The following TPM3 variants were observed in gnomAD, a reference collection of about 807,000 sequenced individuals.
The protein encoded by TPM3 is tropomyosin alpha-3 chain.
In TPM3, 16 loss-of-function variants were observed where a neutral mutation model predicts 43.1. The observed-to-expected ratio is 0.37, with a 90% CI of 0.25 to 0.56. The LOEUF is 0.56. Ranked by LOEUF, TPM3 falls within the 20% of genes least tolerant of loss-of-function variation. The pLI is 0.77. For synonymous variants in TPM3, 101 were observed against 116.9 expected, an observed-to-expected ratio of 0.86 and a Z score of 0.88; for missense variants, 176 against 337.2, an observed-to-expected ratio of 0.52 and a Z score of 3.74.
rs1660832914 is a variant in TPM3, at chr1:154,165,414, A to G, written c.*2523T>C. On this transcript the variant is annotated 3_prime_UTR_variant, in exon 10 of 10. Transcript: ENST00000651641. ...AAGAGAAAAATAAATAAATAATGGAATGCTCAATATTCACTATCCCACAAC... is the reference window on the plus strand; with the variant it reads ...AAGAGAAAAATAAATAAATAATGGAGTGCTCAATATTCACTATCCCACAAC... Among the ~76,000 whole-genome samples the G allele has an allele frequency of 6.6e-6, 1 of 152,024 alleles. No individual in the cohort carries two copies. The highest frequency in any genetic ancestry group is 1.5e-5 in the Non-Finnish European group (1 of 68,002).
chr1:154,167,455 G>A lies in TPM3; in HGVS notation c.*482C>T, dbSNP rs886045313. On this transcript the variant is annotated 3_prime_UTR_variant, in exon 10 of 10. Transcript: ENST00000651641. ...TACCTGAAGAGAGAATGGAAACACT[G>A]CAGGCAGGATGATTTAAGAACCTGG... is the stretch of plus-strand genomic sequence containing the variant. 5.9e-5 allele frequency: 64 copies of A among 1,077,546 alleles called. No homozygotes were observed. The highest frequency in any genetic ancestry group is 3.5e-5 in the Non-Finnish European group (31 of 885,612). 66.7% of individuals were successfully genotyped at this position (1,077,546 alleles called of 1,614,324 possible). A position where few individuals can be genotyped will look rare whatever the true frequency, so the allele number is the denominator to read the frequency against.
Position 154,191,179 on chromosome 1 carries a change from T to G in TPM3, c.243+7A>C. 6.2e-7 allele frequency: 1 copy of G among 1,613,350 alleles called. No individual in the cohort carries two copies. Among genetic ancestry groups the G allele is most frequent in the Admixed American group, 1.7e-5 (1 of 59,944 alleles). The stretch of plus-strand genomic sequence containing the variant: ...TTAAACCCATCCTCCATCTCTCTAA[T>G]ACTCACATCAGCAGCCTTCTTCTCT... On this transcript the variant is annotated splice_region_variant and intron_variant, in intron 2 of 9. Transcript: ENST00000651641.
intron 2 of TPM3, among the ~76,000 whole-genome samples, chr1:154,189,872 C>T (rs1190538673): frequency 2.0e-5 from 3 of 151,508 alleles, no homozygotes; most frequent in Non-Finnish European, 2.9e-5. Context: ...TATGAGGATC[C>T]GAAAGCATTT....
chr1:154,174,407 T>TATATACACACAC (rs1261318136), intron 3 of TPM3, among the ~76,000 whole-genome samples: 823 of 72,484 alleles, frequency 0.011, 9 homozygotes, highest in South Asian at 0.018. Flanking sequence ...TATATATATA[T>TATATACACACAC]ACACACAAAA....
Position 154,171,435 on chromosome 1 carries a change from G to A in TPM3, c.620C>T (p.Ser207Phe). 1.2e-6 allele frequency: 2 copies of A among 1,614,164 alleles called. No individual in the cohort carries two copies. Among genetic ancestry groups the A allele is most frequent in the Non-Finnish European group, 1.7e-6 (2 of 1,180,012 alleles). ...TACCTTCTCCGCCTGAGCCTCAAGA[G>A]ACTTGAGGTTGTTGGTGACATTCTT... The part of the protein sequence containing the change: ...ELKNVTNNLK[S>F]LEAQAEKYSQ... Residue 207 changes from serine (S) to phenylalanine (F), a missense_variant, in exon 6 of 10, where the codon TCT (serine) becomes TTT (phenylalanine). Physicochemically the swap from Ser to Phe is radical, Grantham distance 155 (BLOSUM62 -2). Transcript: ENST00000651641.
Position 154,188,026 on chromosome 1 carries a change from TG to T in TPM3, c.243+3159del, listed in dbSNP as rs545074825. ...GGTTGTTTGTTTGTTTGTTTTGTTTTGTTTTTTTGAGTTTTCTGAGAAGGGA... is the reference window on the plus strand; with the variant it reads ...GGTTGTTTGTTTGTTTGTTTTGTTTTTTTTTTTGAGTTTTCTGAGAAGGGA... On this transcript the variant is annotated intron_variant, in intron 2 of 9. Coordinates refer to ENST00000651641, the MANE Select transcript of TPM3 (RefSeq NM_152263.4). 5.9e-5 allele frequency among the ~76,000 whole-genome samples: 9 copies of T among 151,606 alleles called. No individual in the cohort carries two copies. The South Asian group carries it at 1.5e-3, about 24-fold the overall frequency.
At chr1:154,171,525 G>A (rs1661574307) in intron 5 of TPM3, 37 bp from the exon 6 acceptor site, 3 of 1,606,046 alleles carry the variant, frequency 1.9e-6, no homozygotes, top group African/African-American at 2.7e-5. Flanking sequence ...GAGGAAAAGG[G>A]AAAAGGAAGA....
In TPM3 at chr1:154,170,161, G is replaced by A. The variant is rs183221639; in HGVS notation, c.775+239C>T. On this transcript the variant is annotated intron_variant, in intron 8 of 9. Coordinates refer to ENST00000651641, the MANE Select transcript of TPM3 (RefSeq NM_152263.4). ...CAGCCATTATCATTCTCCTCAAAAG[G>A]GAAGGGTACAAATTGCAGACTATTT... 3.3e-3 allele frequency: 1,737 copies of A among 527,302 alleles called. 6 individuals are homozygous for A. The highest frequency in any genetic ancestry group is 4.9e-3 in the Non-Finnish European group (1,421 of 292,042). 32.7% of individuals were successfully genotyped at this position (527,302 alleles called of 1,614,324 possible).
At chr1:154,186,515 G>A (rs1338565450) in intron 2 of TPM3, among the ~76,000 whole-genome samples, 2 of 151,464 alleles carry the variant, frequency 1.3e-5, no homozygotes, top group South Asian at 2.1e-4. Context: ...ATCAACAGGT[G>A]TATATGTCCA....
chr1:154,182,929 T>A, intron 2 of TPM3: 1 of 1,607,154 alleles, frequency 6.2e-7, no homozygotes, highest in Non-Finnish European at 8.5e-7. Flanking sequence ...GGGACCTTAT[T>A]CCGCTTGCCG....
chr1:154,179,755 T>C (rs1052323357), intron 2 of TPM3, among the ~76,000 whole-genome samples: 2 of 152,180 alleles, frequency 1.3e-5, no homozygotes, highest in Admixed American at 6.5e-5. Flanking sequence ...AGCTAATTTT[T>C]TGTATTTTTA....
intron 3 of TPM3, among the ~76,000 whole-genome samples, chr1:154,174,827 G>A (rs1662114088): frequency 1.3e-5 from 2 of 151,586 alleles, no homozygotes; most frequent in Non-Finnish European, 1.5e-5. Context: ...TACTCTAATA[G>A]TATACACATA....
At chr1:154,185,100 G>A (rs1281955626) in intron 2 of TPM3, among the ~76,000 whole-genome samples, 5 of 152,204 alleles carry the variant, frequency 3.3e-5, no homozygotes, top group African/African-American at 1.2e-4. Context: ...GGCCAGATGT[G>A]GTGGCTCATG....
intron 2 of TPM3, among the ~76,000 whole-genome samples, chr1:154,182,210 C>G (rs1388493353): frequency 6.6e-6 from 1 of 152,186 alleles, no homozygotes; most frequent in Non-Finnish European, 1.5e-5. Flanking sequence ...TCCTGCCTTC[C>G]AGGTCATTGT....
At chr1:154,159,225 G>A (rs1467516479), downstream of TPM3, among the ~76,000 whole-genome samples, 1 of 152,162 alleles carries the variant, frequency 6.6e-6, no homozygotes, top group Non-Finnish European at 1.5e-5. Context: ...TCAGATAGAG[G>A]GCAATAAGAG....
chr1:154,170,772 C>T (rs1661485730), intron 6 of TPM3, 61 bp from the exon 7 acceptor site: 1 of 1,108,986 alleles, frequency 9.0e-7, no homozygotes, highest in Admixed American at 1.7e-5. Context: ...CAATACCCCC[C>T]TCCCTACATT....
rs58289686 is a variant in TPM3 at position 154,162,364 on chromosome 1, CAAAAAAAAAAAAA to C, written c.*5560_*5572del. Among the ~76,000 whole-genome samples the C allele has an allele frequency of 1.3e-5, 1 of 75,104 alleles. No individual in the cohort carries two copies. The highest frequency in any genetic ancestry group is 2.7e-5 in the Non-Finnish European group (1 of 37,570). The allele number at this position is 75,104 out of a possible 152,430, so 49.3% of individuals were successfully genotyped here. A position where few individuals can be genotyped will look rare whatever the true frequency, so the allele number is the denominator to read the frequency against. On this transcript the variant is annotated 3_prime_UTR_variant, in exon 10 of 10. Transcript: ENST00000651641. ...TGGGCAACAGAGCAAGACTCCGTCT[CAAAAAAAAAAAAA>C]AAAAAAAACACAAACCAACCCCATG...
chr1:154,162,383 A>AC lies in TPM3; in HGVS notation c.*5553_*5554insG, dbSNP rs2148200190. 6.6e-6 allele frequency among the ~76,000 whole-genome samples: 1 copy of AC among 151,438 alleles called. No homozygotes were observed. The highest frequency in any genetic ancestry group is 2.1e-4 in the South Asian group (1 of 4,798). ...CCGTCTCAAAAAAAAAAAAAAAAAAAAACACAAACCAACCCCATGGAGTTG... is the reference window on the plus strand; with the variant it reads ...CCGTCTCAAAAAAAAAAAAAAAAAAACAACACAAACCAACCCCATGGAGTTG... On this transcript the variant is annotated 3_prime_UTR_variant, in exon 10 of 10. Transcript: ENST00000651641.
intron 7 of TPM3, 69 bp from the exon 8 acceptor site, chr1:154,170,538 C>T: frequency 1.9e-6 from 3 of 1,601,146 alleles, no homozygotes; most frequent in South Asian, 2.2e-5. Flanking sequence ...ATTTCTTCCA[C>T]CTTCTACTTC....
Sources: gnomAD v4.1 joint callset for allele counts (sites outside exome capture counted in the v4.1 genomes callset) on GRCh38, gnomAD v4.1.1 for gene constraint, MANE v1.5 for transcripts, NCBI Gene and HGNC (gene_info 2026-07-23, HGNC 2026-07-21) for gene names.